The following RALYL variants were observed in gnomAD, a reference collection of about 807,000 sequenced individuals.
The protein encoded by RALYL is RNA-binding Raly-like protein.
RALYL carries 29 observed loss-of-function variants against 35.1 expected under a neutral mutation model. That is an observed-to-expected ratio of 0.83 (90% CI 0.61 to 1.13). The LOEUF (loss-of-function observed/expected upper bound fraction) is 1.13, where lower values mean the gene tolerates loss of function less well. Ranked by LOEUF, RALYL falls within the 50% of genes most tolerant of loss-of-function variation. RALYL has a pLI of 0.00. For missense variants in RALYL, 359 were observed against 360.4 expected (o/e 1.00, Z 0.03); for synonymous variants, 120 against 127.6 (o/e 0.94, Z 0.40).
intron 1 of RALYL, among the ~76,000 whole-genome samples, chr8:84,231,392 A>G (rs1341256649): frequency 1.3e-5 from 2 of 152,200 alleles, no homozygotes; most frequent in Admixed American, 1.3e-4. Flanking sequence ...CACATTAATC[A>G]CATATAAGAA....
In RALYL at chr8:84,909,185, G is replaced by GAC. The variant is rs146658044; in HGVS notation, c.859-11701_859-11700dup. Among the ~76,000 whole-genome samples the GAC allele has an allele frequency of 5.3e-5, 8 of 152,186 alleles. No individual in the cohort carries two copies. The East Asian group carries it at 1.4e-3, about 26-fold the overall frequency. ...CTCATTTTTAACAAGGAAAGCTTAT[G>GAC]ACACACACAATGAAAAGAACACTTA... On this transcript the variant is annotated intron_variant, in intron 8 of 8. Coordinates refer to ENST00000521268, the MANE Select transcript of RALYL (RefSeq NM_173848.7).
At chr8:84,353,264 T>C (rs1243705952) in intron 1 of RALYL, among the ~76,000 whole-genome samples, 1 of 150,182 alleles carries the variant, frequency 6.7e-6, no homozygotes, top group Non-Finnish European at 1.5e-5. Context: ...GCATGGTTTT[T>C]ACTCCCATCG....
chr8:84,686,255 C>T (rs1453306099), intron 2 of RALYL, among the ~76,000 whole-genome samples: 1 of 152,028 alleles, frequency 6.6e-6, no homozygotes, highest in Non-Finnish European at 1.5e-5. Flanking sequence ...AGCCTTCTAA[C>T]ATGAAAAGCT....
intron 7 of RALYL, among the ~76,000 whole-genome samples, chr8:84,874,110 G>T (rs983937084): frequency 7.9e-5 from 12 of 152,122 alleles, no homozygotes; most frequent in Non-Finnish European, 7.4e-5. Flanking sequence ...CGCCTCAGAA[G>T]CCTCCTTGGA....
chr8:84,574,934 T>C (rs1052172033), intron 2 of RALYL, among the ~76,000 whole-genome samples: 1 of 152,140 alleles, frequency 6.6e-6, no homozygotes, highest in African/African-American at 2.4e-5. Context: ...TTACGTGACA[T>C]ATAAGGTAAA....
intron 1 of RALYL, among the ~76,000 whole-genome samples, chr8:84,260,808 T>A (rs1437528620): frequency 6.6e-6 from 1 of 152,192 alleles, no homozygotes; most frequent in African/African-American, 2.4e-5. Flanking sequence ...AAAAATCATA[T>A]GAATGGTGTT....
chr8:84,402,218 G>A (rs190031507), intron 1 of RALYL, among the ~76,000 whole-genome samples: 1 of 152,104 alleles, frequency 6.6e-6, no homozygotes, highest in Admixed American at 6.5e-5. Flanking sequence ...ATAATAGTGA[G>A]TCATCCTTAT....
chr8:84,845,223 C>G (rs995249304), intron 4 of RALYL, among the ~76,000 whole-genome samples: 1 of 152,150 alleles, frequency 6.6e-6, no homozygotes, highest in Non-Finnish European at 1.5e-5. Context: ...AAATGATTGT[C>G]CCCTCAATCA....
At chr8:84,544,350 C>A (rs1211047741) in intron 2 of RALYL, among the ~76,000 whole-genome samples, 9 of 151,786 alleles carry the variant, frequency 5.9e-5, no homozygotes, top group Admixed American at 1.3e-4. Context: ...TTTTAAAAAT[C>A]TAATCTATTT....
At chr8:84,616,767 TA>T (rs1456017208) in intron 2 of RALYL, among the ~76,000 whole-genome samples, 2 of 151,800 alleles carry the variant, frequency 1.3e-5, no homozygotes, top group Non-Finnish European at 2.9e-5. Flanking sequence ...TTGATTTTTG[TA>T]TAAGGTGTAA....
At chr8:84,261,107 G>GTTT (rs1424966634) in intron 1 of RALYL, among the ~76,000 whole-genome samples, 32,420 of 148,404 alleles carry the variant, frequency 0.22, 4,034 homozygotes, top group East Asian at 0.44. Context: ...TTATTTACAG[G>GTTT]TTTTTTTTTT....
chr8:84,616,809 T>C (rs1251337912), intron 2 of RALYL, among the ~76,000 whole-genome samples: 1 of 151,906 alleles, frequency 6.6e-6, no homozygotes, highest in East Asian at 1.9e-4. Context: ...TTTCTACATA[T>C]GCCTAGTCAG....
At chr8:84,841,088 T>A (rs1833196980) in intron 4 of RALYL, among the ~76,000 whole-genome samples, 2 of 152,144 alleles carry the variant, frequency 1.3e-5, no homozygotes, top group East Asian at 3.9e-4. Flanking sequence ...GCTAACATCA[T>A]AATGACAGGA....
chr8:84,759,239 A>G (rs1812130915), intron 2 of RALYL, among the ~76,000 whole-genome samples: 1 of 152,172 alleles, frequency 6.6e-6, no homozygotes, highest in South Asian at 2.1e-4. Context: ...TAACATATTT[A>G]CAGGTTCCAG....
At chr8:84,558,762 C>T (rs1315173945) in intron 2 of RALYL, among the ~76,000 whole-genome samples, 2 of 152,102 alleles carry the variant, frequency 1.3e-5, no homozygotes, top group African/African-American at 4.8e-5. Context: ...AGTTTTTCAA[C>T]ATGTGCTGTA....
intron 1 of RALYL, among the ~76,000 whole-genome samples, chr8:84,376,458 G>A (rs1256717932): frequency 6.6e-6 from 1 of 151,842 alleles, no homozygotes; most frequent in Non-Finnish European, 1.5e-5. Context: ...CCACTTACCT[G>A]CCTGTAGCAG....
intron 2 of RALYL, among the ~76,000 whole-genome samples, chr8:84,722,483 C>T (rs2132658512): frequency 6.6e-6 from 1 of 151,344 alleles, no homozygotes; most frequent in Middle Eastern, 3.4e-3. Flanking sequence ...CCATTTTGGG[C>T]ACTATGCCCA....
intron 2 of RALYL, among the ~76,000 whole-genome samples, chr8:84,718,845 A>G (rs1411830619): frequency 1.3e-5 from 2 of 152,144 alleles, no homozygotes; most frequent in South Asian, 2.1e-4. Context: ...TTGACCTGGT[A>G]TTATCTTACT....
chr8:84,644,727 T>A (rs1330373932), intron 2 of RALYL, among the ~76,000 whole-genome samples: 2 of 151,588 alleles, frequency 1.3e-5, no homozygotes, highest in Non-Finnish European at 1.5e-5. Flanking sequence ...TGTTCCAAGT[T>A]TGTCTTTTTT....
Sources: gnomAD v4.1 joint callset for allele counts (sites outside exome capture counted in the v4.1 genomes callset) on GRCh38, gnomAD v4.1.1 for gene constraint, MANE v1.5 for transcripts, NCBI Gene and HGNC (gene_info 2026-07-23, HGNC 2026-07-21) for gene names.